TMTC2: variants seen among roughly 807,000 people sequenced by gnomAD.
TMTC2 encodes protein O-mannosyl-transferase TMTC2.
A neutral mutation model predicts 82.4 loss-of-function variants in TMTC2; 43 were observed. The observed-to-expected ratio is 0.52, with a 90% CI of 0.41 to 0.67. The LOEUF (loss-of-function observed/expected upper bound fraction) is 0.67. TMTC2 is among the 30% of genes least tolerant of loss of function. The pLI, the probability that TMTC2 is intolerant of heterozygous loss-of-function variation, is 0.00. For missense variants in TMTC2, 919 were observed against 1,012.4 expected, an observed-to-expected ratio of 0.91 and a Z score of 1.25; for synonymous variants, 408 against 381.9, an observed-to-expected ratio of 1.07 and a Z score of -0.80.
chr12:83,052,244 G>GATGATTTTTATTA (rs1882379136), intron 10 of TMTC2, among the ~76,000 whole-genome samples: 1 of 151,904 alleles, frequency 6.6e-6, no homozygotes, highest in African/African-American at 2.4e-5. Context: ...ATTTTTTTTA[G>GATGATTTTTATTA]CTTTTAAGAT....
chr12:82,709,485 C>T (rs1873527084), intron 1 of TMTC2, among the ~76,000 whole-genome samples: 1 of 151,974 alleles, frequency 6.6e-6, no homozygotes, highest in African/African-American at 2.4e-5. Flanking sequence ...ATTGTAAGTC[C>T]TGACAAGTAA....
intron 1 of TMTC2, among the ~76,000 whole-genome samples, chr12:82,687,895 TTGCTTCTC>T (rs1872403958): frequency 6.6e-6 from 1 of 152,200 alleles, no homozygotes; most frequent in Non-Finnish European, 1.5e-5. Context: ...GTTCTCTCCC[TTGCTTCTC>T]GGCTGTTGGC....
chr12:82,756,254 T>C (rs1876318329), intron 1 of TMTC2, among the ~76,000 whole-genome samples: 1 of 152,216 alleles, frequency 6.6e-6, no homozygotes, highest in Admixed American at 6.5e-5. Flanking sequence ...TGTCTCACAA[T>C]TCTTCTCCTA....
At chr12:83,095,218 G>GTTT (rs577622810) in intron 11 of TMTC2, among the ~76,000 whole-genome samples, 40 of 139,476 alleles carry the variant, frequency 2.9e-4, no homozygotes, top group African/African-American at 1.1e-3. Context: ...AAATTTCATG[G>GTTT]TTTTTTTTTT....
intron 8 of TMTC2, among the ~76,000 whole-genome samples, chr12:82,989,045 C>T (rs1021625188): frequency 6.6e-6 from 1 of 150,762 alleles, no homozygotes; most frequent in South Asian, 2.1e-4. Context: ...GAATAATAAT[C>T]CTTAGAAAGA....
At chr12:82,706,323 CAAAAAAAAAAAA>C (rs11365830) in intron 1 of TMTC2, among the ~76,000 whole-genome samples, 2 of 80,248 alleles carry the variant, frequency 2.5e-5, no homozygotes, top group African/African-American at 9.3e-5. Context: ...GAGTCCATCT[CAAAAAAAAAAAA>C]AAAAAAAGGA....
At chr12:83,109,248 G>A (rs781218095) in intron 11 of TMTC2, among the ~76,000 whole-genome samples, 6 of 152,126 alleles carry the variant, frequency 3.9e-5, no homozygotes, top group Admixed American at 2.0e-4. Context: ...CAATTATGGC[G>A]GAAGGTGAAG....
chr12:82,710,790 G>A (rs1592864598), intron 1 of TMTC2, among the ~76,000 whole-genome samples: 2 of 152,284 alleles, frequency 1.3e-5, no homozygotes, highest in East Asian at 1.9e-4. Context: ...CTTGACTGAA[G>A]CTCAGTTTGC....
chr12:83,023,200 CTCTT>C (rs906312627), intron 8 of TMTC2, among the ~76,000 whole-genome samples: 44 of 152,154 alleles, frequency 2.9e-4, no homozygotes, highest in Non-Finnish European at 2.1e-4. Flanking sequence ...ATTGAATTCT[CTCTT>C]TATTTGGGAA....
At chr12:83,114,944 A>C (rs1321600480) in intron 11 of TMTC2, among the ~76,000 whole-genome samples, 1 of 151,972 alleles carries the variant, frequency 6.6e-6, no homozygotes, top group African/African-American at 2.4e-5. Context: ...TTGTGTAGCA[A>C]AATGTCTAGG....
chr12:82,886,287 A>G (rs987037471), intron 2 of TMTC2, among the ~76,000 whole-genome samples: 3 of 152,212 alleles, frequency 2.0e-5, no homozygotes, highest in Non-Finnish European at 4.4e-5. Flanking sequence ...CCATTTATCC[A>G]AGGAGCCCTG....
At chr12:82,930,365 C>A in intron 3 of TMTC2, 66 bp from the exon 4 acceptor site, 1 of 832,676 alleles carries the variant, frequency 1.2e-6, no homozygotes, top group Admixed American at 2.4e-5. Context: ...TTCCTGATGG[C>A]CTGATATTAT....
At chr12:82,939,865 C>G (rs1876608220) in intron 4 of TMTC2, among the ~76,000 whole-genome samples, 1 of 152,120 alleles carries the variant, frequency 6.6e-6, no homozygotes, top group Non-Finnish European at 1.5e-5. Flanking sequence ...TCAATGTGAA[C>G]TTGACCCATA....
intron 4 of TMTC2, among the ~76,000 whole-genome samples, chr12:82,936,208 C>T (rs1458061742): frequency 1.3e-5 from 2 of 151,962 alleles, no homozygotes; most frequent in East Asian, 3.9e-4. Context: ...CCTTGGAAAA[C>T]TTTGGAAACA....
chr12:82,892,042 G>A (rs1458886451), intron 2 of TMTC2, among the ~76,000 whole-genome samples: 1 of 152,024 alleles, frequency 6.6e-6, no homozygotes, highest in African/African-American at 2.4e-5. Flanking sequence ...CTCCAGCCTG[G>A]GTGAGAGAGC....
rs952488512 is a variant in TMTC2, at chr12:82,999,830, T to A, written c.2070+13784T>A. ...TGGATGGGGACACAGAGCCAAACCA[T>A]ATCATTCTGCCCCTGAACCCTCCCA... is the stretch of plus-strand genomic sequence containing the variant. On this transcript the variant is annotated intron_variant, in intron 8 of 11. Coordinates refer to ENST00000321196, the MANE Select transcript of TMTC2 (RefSeq NM_152588.3). Among the ~76,000 whole-genome samples the A allele has an allele frequency of 2.0e-5, 3 of 152,128 alleles. No homozygotes were observed. In the East Asian group the frequency reaches 5.8e-4, roughly 29 times the overall value.
intron 1 of TMTC2, among the ~76,000 whole-genome samples, chr12:82,769,449 T>C (rs11115393): frequency 0.16 from 24,857 of 151,560 alleles, 2,545 homozygotes; most frequent in African/African-American, 0.28. Context: ...GTACTCCAGC[T>C]TGGGTGACAG....
chr12:83,118,466 G>T (rs985185528), intron 11 of TMTC2, among the ~76,000 whole-genome samples: 10 of 151,668 alleles, frequency 6.6e-5, no homozygotes, highest in Non-Finnish European at 1.3e-4. Flanking sequence ...TATGTGGTGT[G>T]TCACATGTAT....
At chr12:82,745,449 G>T (rs1875640621) in intron 1 of TMTC2, among the ~76,000 whole-genome samples, 1 of 152,194 alleles carries the variant, frequency 6.6e-6, no homozygotes, top group Non-Finnish European at 1.5e-5. Context: ...CAGAACTAGA[G>T]TGTCCTAAGT....
Sources: allele counts gnomAD v4.1 joint callset (sites outside exome capture counted in the v4.1 genomes callset), GRCh38; gene constraint gnomAD v4.1.1; transcripts MANE v1.5; gene names NCBI Gene and HGNC (gene_info 2026-07-23, HGNC 2026-07-21).